The following SORCS2 variants were observed in gnomAD, a reference collection of about 807,000 sequenced individuals.
SORCS2 encodes sortilin related VPS10 domain containing receptor 2.
In SORCS2, 100 loss-of-function variants were observed where a neutral mutation model predicts 141.6. The observed-to-expected ratio is 0.71, with a 90% CI of 0.60 to 0.83. The LOEUF (loss-of-function observed/expected upper bound fraction) is 0.83, where lower values mean the gene tolerates loss of function less well. Among genes scored for constraint, SORCS2 ranks in the 40% least tolerant of loss-of-function variants. SORCS2 has a pLI of 0.00. For missense variants in SORCS2, 1,646 were observed against 1,560.2 expected, an observed-to-expected ratio of 1.05 and a Z score of -0.93; for synonymous variants, 789 against 676.9, an observed-to-expected ratio of 1.17 and a Z score of -2.57.
At chr4:7,635,163 G>T in intron 3 of SORCS2, among the ~76,000 whole-genome samples, 1 of 152,176 alleles carries the variant, frequency 6.6e-6, no homozygotes, top group East Asian at 1.9e-4. Context: ...TGGGGAACTG[G>T]GTGTGGTACA....
At chr4:7,599,204 G>A (rs1354595165) in intron 3 of SORCS2, among the ~76,000 whole-genome samples, 2 of 152,094 alleles carry the variant, frequency 1.3e-5, no homozygotes, top group African/African-American at 2.4e-5. Flanking sequence ...TTGAGTTCCT[G>A]AGTGAAGTCA....
intron 1 of SORCS2, among the ~76,000 whole-genome samples, chr4:7,360,459 TG>T (rs1300848236): frequency 2.6e-5 from 4 of 151,740 alleles, no homozygotes; most frequent in Non-Finnish European, 1.5e-5. Flanking sequence ...CATTCCATCC[TG>T]GGATGGCTCT....
At chr4:7,734,464 G>A (rs1251382229) in intron 25 of SORCS2, 90 bp downstream of exon 25, 5 of 892,234 alleles carry the variant, frequency 5.6e-6, no homozygotes, top group African/African-American at 1.7e-5. Flanking sequence ...TCTAGAAAGG[G>A]CCCCAGCAGG....
chr4:7,561,616 CCGTCTATCTACCCATT>C lies in SORCS2; in HGVS notation c.648+29989_648+30004del, dbSNP rs377547400. ...TCCATCTATCCATCTATCTACCCATCCGTCTATCTACCCATTCATCTACCCATCCATCCGTCTACCC... is the reference window on the plus strand; with the variant it reads ...TCCATCTATCCATCTATCTACCCATCCATCTACCCATCCATCCGTCTACCC... On this transcript the variant is annotated intron_variant, in intron 3 of 26. Coordinates refer to ENST00000507866, the MANE Select transcript of SORCS2 (RefSeq NM_020777.3). Among the ~76,000 whole-genome samples, 248 of 149,758 alleles carry C rather than the reference CCGTCTATCTACCCATT, an allele frequency of 1.7e-3. 1 individual carries two copies. Among genetic ancestry groups the C allele is most frequent in the African/African-American group, 5.6e-3 (223 of 39,804 alleles).
At chr4:7,598,135 A>C (rs1360905764) in intron 3 of SORCS2, among the ~76,000 whole-genome samples, 1 of 151,836 alleles carries the variant, frequency 6.6e-6, no homozygotes, top group African/African-American at 2.4e-5. Context: ...TGCCCGGCTA[A>C]TTTTTGTATT....
intron 14 of SORCS2, among the ~76,000 whole-genome samples, chr4:7,704,958 C>A (rs574370779): frequency 7.9e-5 from 12 of 152,272 alleles, no homozygotes; most frequent in Admixed American, 4.6e-4. Flanking sequence ...CACGGTGAGG[C>A]CACCGTGTCC....
At chr4:7,628,601 C>T (rs910985259) in intron 3 of SORCS2, among the ~76,000 whole-genome samples, 5 of 151,964 alleles carry the variant, frequency 3.3e-5, no homozygotes, top group East Asian at 1.9e-4. Context: ...GCCTGAGCAC[C>T]GACTACATGC....
chr4:7,468,037 AT>A (rs1426012297), intron 2 of SORCS2, among the ~76,000 whole-genome samples: 2 of 152,180 alleles, frequency 1.3e-5, no homozygotes, highest in African/African-American at 4.8e-5. Flanking sequence ...AGGTATGAGG[AT>A]GGCAGCGGGT....
chr4:7,653,677 C>G (rs1721574066), intron 4 of SORCS2, among the ~76,000 whole-genome samples: 1 of 152,160 alleles, frequency 6.6e-6, no homozygotes, highest in Admixed American at 6.5e-5. Flanking sequence ...GTGTCAGGCC[C>G]CAGCCCACCT....
At chr4:7,203,612 T>TA (rs112822814) in intron 1 of SORCS2, among the ~76,000 whole-genome samples, 1 of 149,114 alleles carries the variant, frequency 6.7e-6, no homozygotes, top group Non-Finnish European at 1.5e-5. Context: ...AGACTCTGCC[T>TA]AAAAAAAAAT....
intron 3 of SORCS2, among the ~76,000 whole-genome samples, chr4:7,567,018 A>C (rs1715066452): frequency 6.6e-6 from 1 of 152,230 alleles, no homozygotes; most frequent in South Asian, 2.1e-4. Context: ...GAAGGACCTG[A>C]ACTTAGATTT....
intron 1 of SORCS2, among the ~76,000 whole-genome samples, chr4:7,306,772 C>G (rs938382808): frequency 6.6e-6 from 1 of 152,116 alleles, no homozygotes; most frequent in South Asian, 2.1e-4. Context: ...CGCCTGGAGG[C>G]TGGAGTGTGG....
intron 5 of SORCS2, among the ~76,000 whole-genome samples, chr4:7,658,096 C>T (rs1354965441): frequency 1.4e-5 from 2 of 144,418 alleles, no homozygotes; most frequent in African/African-American, 5.2e-5. Flanking sequence ...AATGAATGAG[C>T]GAGTGGGTAA....
At chr4:7,320,141 A>G (rs114888024) in intron 1 of SORCS2, among the ~76,000 whole-genome samples, 1 of 151,846 alleles carries the variant, frequency 6.6e-6, no homozygotes, top group Non-Finnish European at 1.5e-5. Flanking sequence ...TGTCTCTACA[A>G]AAAAAATGAA....
intron 1 of SORCS2, among the ~76,000 whole-genome samples, chr4:7,292,757 T>C (rs1266743774): frequency 5.9e-5 from 9 of 152,146 alleles, no homozygotes; most frequent in Non-Finnish European, 1.2e-4. Flanking sequence ...CCCTGCTGTT[T>C]TGGAGACGTT....
intron 1 of SORCS2, among the ~76,000 whole-genome samples, chr4:7,317,428 C>T (rs980821469): frequency 6.6e-6 from 1 of 152,218 alleles, no homozygotes; most frequent in Non-Finnish European, 1.5e-5. Context: ...CCATGCCTGG[C>T]ACAGTGATTG....
chr4:7,233,324 C>T lies in SORCS2; in HGVS notation c.480+40198C>T, dbSNP rs915258733. Among the ~76,000 whole-genome samples, 28 of 152,146 alleles carry T rather than the reference C, an allele frequency of 1.8e-4. No individual in the cohort carries two copies. The highest frequency in any genetic ancestry group is 1.5e-5 in the Non-Finnish European group (1 of 68,002). On this transcript the variant is annotated intron_variant, in intron 1 of 26. Transcript: ENST00000507866. The surrounding 1 kb of genome is among the most constrained non-coding windows in gnomAD (Gnocchi z 4.5). ...GCCACGGTGGGGACAGGAGCACATC[C>T]AGGGTGTCATCATGATGACGTCTCC... is the stretch of plus-strand genomic sequence containing the variant.
chr4:7,618,147 T>C (rs1718892542), intron 3 of SORCS2, among the ~76,000 whole-genome samples: 1 of 152,124 alleles, frequency 6.6e-6, no homozygotes. Flanking sequence ...CTCTTCCACC[T>C]GCTTCACAGA....
At chr4:7,466,810 T>C (rs1729646112) in intron 2 of SORCS2, among the ~76,000 whole-genome samples, 1 of 152,174 alleles carries the variant, frequency 6.6e-6, no homozygotes, top group Non-Finnish European at 1.5e-5. Context: ...CCAGGGGTGC[T>C]GGGAGGCATA....
Sources: allele counts gnomAD v4.1 joint callset (sites outside exome capture counted in the v4.1 genomes callset), GRCh38; gene constraint gnomAD v4.1.1; non-coding constraint Gnocchi (gnomAD v3.1); transcripts MANE v1.5; gene names NCBI Gene and HGNC (gene_info 2026-07-23, HGNC 2026-07-21).